Variants in TRAF6 observed in about 807,000 individuals in gnomAD.
TRAF6 encodes the protein TNF receptor associated factor 6.
In TRAF6, 10 loss-of-function variants were observed where a neutral mutation model predicts 48.4. That is an observed-to-expected ratio of 0.21 (90% confidence interval 0.13 to 0.35). The LOEUF (loss-of-function observed/expected upper bound fraction) is 0.35, where lower values mean the gene tolerates loss of function less well. Ranked by LOEUF, TRAF6 falls within the 10% of genes least tolerant of loss-of-function variation. The probability of loss-of-function intolerance (pLI) is 1.00; values close to 1 mark genes in which losing one functional copy is unlikely to be tolerated. For missense variants in TRAF6, 397 were observed against 661.0 expected, an observed-to-expected ratio of 0.60 and a Z score of 4.38; for synonymous variants, 186 against 219.6, an observed-to-expected ratio of 0.85 and a Z score of 1.35.
intron 1 of TRAF6, among the ~76,000 whole-genome samples, chr11:36,507,688 C>T (rs914492209): frequency 1.6e-5 from 1 of 64,468 alleles, no homozygotes; most frequent in African/African-American, 5.7e-5. Context: ...TGTATACATA[C>T]ACGAGCGTGT....
rs376146480 is a variant in TRAF6 at position 36,497,071 on chromosome 11, G to T, written c.606+37C>A. ...TACACATTTAAGAACAATATTTTAA[G>T]AAGTAGTGAATTTAACAAATCCAAG... On this transcript the variant is annotated intron_variant, in intron 4 of 6. Transcript: ENST00000526995. The T allele has an allele frequency of 5.0e-6, 8 of 1,602,538 alleles. No individual in the cohort carries two copies. In the African/African-American group the frequency reaches 1.1e-4, roughly 22 times the overall value.
At position 36,502,069 on chromosome 11, in the gene TRAF6, C is replaced by T. The variant is rs987674830; in HGVS notation, c.-22-532G>A. On this transcript the variant is annotated intron_variant, in intron 1 of 6. Transcript: ENST00000526995. ...GAATAGTATGGCTAGCAGCTCAGTGCCAGGAAAAGCAGTACGCAAGGAATC... is the reference window on the plus strand; with the variant it reads ...GAATAGTATGGCTAGCAGCTCAGTGTCAGGAAAAGCAGTACGCAAGGAATC... Among the ~76,000 whole-genome samples, 5 of 152,142 alleles carry T rather than the reference C, an allele frequency of 3.3e-5. No individual in the cohort carries two copies. The South Asian group carries it at 8.3e-4, about 25-fold the overall frequency.
At position 36,489,753 on chromosome 11, in the gene TRAF6, CTTGT is replaced by C. The variant is rs1175803367; in HGVS notation, c.*81_*84del. 3.7e-6 allele frequency: 5 copies of C among 1,363,518 alleles called. No individual in the cohort carries two copies. The highest frequency in any genetic ancestry group is 4.0e-6 in the Non-Finnish European group (4 of 990,346). 84.5% of individuals were successfully genotyped at this position (1,363,518 alleles called of 1,614,324 possible). A position where few individuals can be genotyped will look rare whatever the true frequency, so the allele number is the denominator to read the frequency against. On this transcript the variant is annotated 3_prime_UTR_variant, in exon 7 of 7. Coordinates refer to ENST00000526995, the MANE Select transcript of TRAF6 (RefSeq NM_004620.4). ...AGTAGATATTACATATTTCCCGTGG[CTTGT>C]TTGTTTGCATGTTATTGAGAACAGG...
intron 3 of TRAF6, 22 bp downstream of exon 3, chr11:36,498,468 A>T: frequency 6.3e-7 from 1 of 1,599,042 alleles, no homozygotes; most frequent in Non-Finnish European, 8.5e-7. Flanking sequence ...ATGTGCTAAC[A>T]GCTAGAAAAG....
At chr11:36,505,806 C>G (rs1287204267) in intron 1 of TRAF6, among the ~76,000 whole-genome samples, 1 of 152,036 alleles carries the variant, frequency 6.6e-6, no homozygotes, top group Non-Finnish European at 1.5e-5. Context: ...ATTAATTGGT[C>G]TAATTTCAAT....
At chr11:36,491,791 C>T (rs1450785783) in intron 6 of TRAF6, among the ~76,000 whole-genome samples, 1 of 152,210 alleles carries the variant, frequency 6.6e-6, no homozygotes, top group Non-Finnish European at 1.5e-5. Flanking sequence ...AATCACTTTC[C>T]CAAATCAATA....
chr11:36,494,841 A>C (rs1859608556), intron 5 of TRAF6, 135 bp downstream of exon 5: 3 of 472,932 alleles, frequency 6.3e-6, no homozygotes, highest in African/African-American at 6.2e-5. Context: ...AATTTATATA[A>C]AAAATTTTCA....
chr11:36,497,019 T>A, intron 4 of TRAF6, 89 bp downstream of exon 4: 1 of 1,374,634 alleles, frequency 7.3e-7, no homozygotes, highest in Admixed American at 2.4e-5. Context: ...CGGAGTCACA[T>A]CCTTATCTAC....
rs546257737 is a variant in TRAF6, at chr11:36,490,730, A to G, written c.757-80T>C. ...AAGGACCTGGCCAGGTCAAATAAGAAGTTTTCAAGTAGTCACACCACTTCC... is the reference window on the plus strand; with the variant it reads ...AAGGACCTGGCCAGGTCAAATAAGAGGTTTTCAAGTAGTCACACCACTTCC... On this transcript the variant is annotated intron_variant, in intron 6 of 6. Transcript: ENST00000526995. This position sits in a 1 kb window ranked among gnomAD's most constrained non-coding sequence, Gnocchi z 6.4. 5 of 1,278,312 alleles carry G rather than the reference A, an allele frequency of 3.9e-6. No individual in the cohort carries two copies. The South Asian group carries it at 5.8e-5, about 15-fold the overall frequency. The allele number at this position is 1,278,312 out of a possible 1,614,324, so 79.2% of individuals were successfully genotyped here.
chr11:36,506,581 T>C (rs1336478820), intron 1 of TRAF6, among the ~76,000 whole-genome samples: 2 of 152,210 alleles, frequency 1.3e-5, no homozygotes, highest in Non-Finnish European at 1.5e-5. Context: ...GTTTATTGGA[T>C]AGTCTATACA....
chr11:36,508,914 A>G (rs1339070894), intron 1 of TRAF6, among the ~76,000 whole-genome samples: 1 of 152,188 alleles, frequency 6.6e-6, no homozygotes, highest in Admixed American at 6.5e-5. Context: ...CAAATTTATC[A>G]CAGAGAAGAG....
chr11:36,504,801 T>A (rs920396516), intron 1 of TRAF6, among the ~76,000 whole-genome samples: 2 of 152,244 alleles, frequency 1.3e-5, no homozygotes, highest in African/African-American at 4.8e-5. Flanking sequence ...GAAGTCTAAA[T>A]GACTCCTTGA....
At chr11:36,492,211 T>G (rs1412391934) in intron 6 of TRAF6, among the ~76,000 whole-genome samples, 1 of 152,216 alleles carries the variant, frequency 6.6e-6, no homozygotes. Context: ...ATCATCTACA[T>G]TGCTATTGGG....
At chr11:36,493,606 G>C (rs1006256475) in intron 5 of TRAF6, among the ~76,000 whole-genome samples, 5 of 152,192 alleles carry the variant, frequency 3.3e-5, no homozygotes, top group African/African-American at 4.8e-5. Context: ...GATCTATTTA[G>C]AATGTCAACT....
In TRAF6 at chr11:36,489,192, T is replaced by C. The variant is rs1312325486; in HGVS notation, c.*646A>G. ...AGAAGGAACACTTAAACAAGTATTA[T>C]TCAACAGACATGTTTACACTAAATA... On this transcript the variant is annotated 3_prime_UTR_variant, in exon 7 of 7. Coordinates refer to ENST00000526995, the MANE Select transcript of TRAF6 (RefSeq NM_004620.4). 1 of 152,676 alleles carries C rather than the reference T, an allele frequency of 6.5e-6. No homozygotes were observed. 9.5% of individuals were successfully genotyped at this position (152,676 alleles called of 1,614,324 possible). A position where few individuals can be genotyped will look rare whatever the true frequency, so the allele number is the denominator to read the frequency against.
chr11:36,484,033 G>A lies in TRAF6; in HGVS notation c.*5805C>T, dbSNP rs1019729065. Among the ~76,000 whole-genome samples, 26 of 152,158 alleles carry A rather than the reference G, an allele frequency of 1.7e-4. No homozygotes were observed. The highest frequency in any genetic ancestry group is 1.4e-3 in the Admixed American group (22 of 15,274). ...TGAATCCACATTCACAACCTGGGTT[G>A]AGAAAGGTCACACTTCTCTACTTAC... On this transcript the variant is annotated 3_prime_UTR_variant, in exon 7 of 7. Coordinates refer to ENST00000526995, the MANE Select transcript of TRAF6 (RefSeq NM_004620.4).
rs1355573519 is a variant in TRAF6 at position 36,510,131 on chromosome 11, G to A, written c.-106C>T. 1 of 152,546 alleles carries A rather than the reference G, an allele frequency of 6.6e-6. No individual in the cohort carries two copies. The highest frequency in any genetic ancestry group is 1.5e-5 in the Non-Finnish European group (1 of 68,306). The allele number at this position is 152,546 out of a possible 1,614,324, so 9.4% of individuals were successfully genotyped here. A position where few individuals can be genotyped will look rare whatever the true frequency, so the allele number is the denominator to read the frequency against. On this transcript the variant is annotated 5_prime_UTR_variant, in exon 1 of 7. Coordinates refer to ENST00000526995, the MANE Select transcript of TRAF6 (RefSeq NM_004620.4). Reference sequence around the variant, plus strand: ...ACTCCGCTCAGCCAAGGCGCTGGTAGAGGACGGACACAGACACTGCGCGCC... The same window carrying A: ...ACTCCGCTCAGCCAAGGCGCTGGTAAAGGACGGACACAGACACTGCGCGCC...
At chr11:36,493,718 T>C (rs1859593053) in intron 5 of TRAF6, among the ~76,000 whole-genome samples, 1 of 152,242 alleles carries the variant, frequency 6.6e-6, no homozygotes, top group African/African-American at 2.4e-5. Context: ...TATTTTCTTT[T>C]GCTGGGTTTT....
rs73449376 is a variant in TRAF6 at position 36,493,579 on chromosome 11, C to G, written c.679-951G>C. Among the ~76,000 whole-genome samples the G allele has an allele frequency of 4.8e-3, 730 of 152,312 alleles. 7 individuals are homozygous for G. Among genetic ancestry groups the G allele is most frequent in the African/African-American group, 0.016 (667 of 41,558 alleles). ...TAGAGAGACAGATCTAGCTGGCAGG[C>G]CAGTTTGCTGATCCCAGATCTATTT... On this transcript the variant is annotated intron_variant, in intron 5 of 6. Transcript: ENST00000526995.
Sources: gnomAD v4.1 joint callset for allele counts (sites outside exome capture counted in the v4.1 genomes callset) on GRCh38, gnomAD v4.1.1 for gene constraint, Gnocchi (gnomAD v3.1) non-coding constraint, MANE v1.5 for transcripts, NCBI Gene and HGNC (gene_info 2026-07-23, HGNC 2026-07-21) for gene names.